NCOR2: variants seen among roughly 807,000 people sequenced by gnomAD.
NCOR2 encodes the protein nuclear receptor corepressor 2.
A neutral mutation model predicts 262.9 loss-of-function variants in NCOR2; 81 were observed. That is an observed-to-expected ratio of 0.31 (90% CI 0.26 to 0.37). The LOEUF (loss-of-function observed/expected upper bound fraction) is 0.37. Ranked by LOEUF, NCOR2 falls within the 10% of genes least tolerant of loss-of-function variation. The probability of loss-of-function intolerance (pLI) is 1.00; values close to 1 mark genes in which losing one functional copy is unlikely to be tolerated. For missense variants in NCOR2, 3,385 were observed against 3,621.4 expected (o/e 0.93, Z 1.68); for synonymous variants, 1,659 against 1,559.3 (o/e 1.06, Z -1.51).
At chr12:124,539,729 C>G (rs1394027385), upstream of NCOR2, 1 of 152,512 alleles carries the variant, frequency 6.6e-6, no homozygotes. This position sits in a 1 kb window ranked among gnomAD's most constrained non-coding sequence, Gnocchi z 5.1. Flanking sequence ...AGCTCCCAAA[C>G]AAGCCCACCT....
intron 16 of NCOR2, among the ~76,000 whole-genome samples, chr12:124,388,345 C>T (rs1290468374): frequency 3.9e-5 from 6 of 152,138 alleles, no homozygotes; most frequent in Non-Finnish European, 5.9e-5. Context: ...GGCTGCCAGG[C>T]ACGGAGAGAA....
At chr12:124,390,557 C>T (rs2041232435) in intron 16 of NCOR2, among the ~76,000 whole-genome samples, 1 of 151,768 alleles carries the variant, frequency 6.6e-6, no homozygotes, top group African/African-American at 2.4e-5. Flanking sequence ...CTCCCTCGTC[C>T]CACTGCTCAT....
intron 18 of NCOR2, among the ~76,000 whole-genome samples, chr12:124,377,096 C>T (rs886526078): frequency 2.6e-5 from 4 of 152,324 alleles, no homozygotes; most frequent in African/African-American, 9.6e-5. Flanking sequence ...GTCGGCAGCC[C>T]GTGTTCAGTT....
chr12:124,345,345 A>T (rs1283073660), intron 31 of NCOR2, among the ~76,000 whole-genome samples: 1 of 152,160 alleles, frequency 6.6e-6, no homozygotes, highest in African/African-American at 2.4e-5. Context: ...AATGCCAAGC[A>T]GAAAAAGTCA....
chr12:124,472,858 G>T, intron 4 of NCOR2, 94 bp downstream of exon 6: 4 of 1,539,506 alleles, frequency 2.6e-6, no homozygotes, highest in Non-Finnish European at 2.7e-6. Context: ...CCAGGAACTT[G>T]GGAAGGGCTT....
At chr12:124,352,376 C>T (rs1325151020) in intron 27 of NCOR2, among the ~76,000 whole-genome samples, 2 of 151,688 alleles carry the variant, frequency 1.3e-5, no homozygotes, top group African/African-American at 4.9e-5. Flanking sequence ...ACTGAGGCAT[C>T]TGATTTTTTT....
intron 13 of NCOR2, among the ~76,000 whole-genome samples, chr12:124,403,865 C>T (rs74978730): frequency 0.022 from 3,361 of 152,284 alleles, 111 homozygotes; most frequent in African/African-American, 0.065. Flanking sequence ...AGGCTGCTGC[C>T]AGGTCCAGGG....
At chr12:124,464,213 C>A (rs1019212147) in intron 5 of NCOR2, among the ~76,000 whole-genome samples, 1 of 151,966 alleles carries the variant, frequency 6.6e-6, no homozygotes, top group Non-Finnish European at 1.5e-5. Context: ...TGAGAAGGGG[C>A]CACTTCAGCA....
At chr12:124,359,021 C>T (rs1447457692) in intron 22 of NCOR2, among the ~76,000 whole-genome samples, 2 of 152,252 alleles carry the variant, frequency 1.3e-5, no homozygotes, top group African/African-American at 4.8e-5. Context: ...GACTGCTATG[C>T]CACATGGCCT....
chr12:124,503,671 AATGGATGGATGG>A lies in NCOR2; in HGVS notation c.-117-8315_-117-8304del, dbSNP rs140410776. On this transcript the variant is annotated intron_variant, in intron 1 of 46. Transcript: ENST00000404621. The surrounding 1 kb of genome is among the most constrained non-coding windows in gnomAD (Gnocchi z 4.3). ...GGATGGATGGATGGATGGACGGGTG[AATGGATGGATGG>A]ATGGATGGATGGATGGATGGATGGA... 7.5e-3 allele frequency among the ~76,000 whole-genome samples: 919 copies of A among 122,198 alleles called. 13 individuals carry two copies. Among genetic ancestry groups the A allele is most frequent in the African/African-American group, 0.026 (869 of 33,494 alleles). The allele number at this position is 122,198 out of a possible 152,430, so 80.2% of individuals were successfully genotyped here.
chr12:124,536,683 G>A (rs915822897), upstream of NCOR2, among the ~76,000 whole-genome samples: 1 of 152,222 alleles, frequency 6.6e-6, no homozygotes, highest in Non-Finnish European at 1.5e-5. Flanking sequence ...AGGAGCACCT[G>A]GAACCCTCAC....
At chr12:124,336,994 G>C in exon 38 of NCOR2, 1 of 1,510,148 alleles carries the variant, frequency 6.6e-7, no homozygotes, top group South Asian at 1.3e-5. Flanking sequence ...CTGGGGGCTT[G>C]GCGAGGAAGG....
intron 6 of NCOR2, among the ~76,000 whole-genome samples, chr12:124,453,599 C>T (rs925042513): frequency 6.6e-6 from 1 of 152,222 alleles, no homozygotes. Context: ...AGCCAGCCAG[C>T]AGGGCCACCA....
At chr12:124,461,852 CAGGTATACCTGCACACAT>C (rs1221983363) in intron 5 of NCOR2, among the ~76,000 whole-genome samples, 1 of 152,232 alleles carries the variant, frequency 6.6e-6, no homozygotes, top group Non-Finnish European at 1.5e-5. Context: ...ACAGCACCCA[CAGGTATACCTGCACACAT>C]ACACGCACCC....
chr12:124,428,086 T>TGTGTGTGTGTGTGTGTGTGTGTGTGGGC (rs958627720), intron 10 of NCOR2, among the ~76,000 whole-genome samples: 5 of 147,054 alleles, frequency 3.4e-5, no homozygotes, highest in Non-Finnish European at 4.5e-5. Flanking sequence ...TGTGTGTGTG[T>TGTGTGTGTGTGTGTGTGTGTGTGTGGGC]GTACATGCAA....
chr12:124,373,071 A>C (rs940230307), intron 19 of NCOR2, among the ~76,000 whole-genome samples: 9 of 152,368 alleles, frequency 5.9e-5, no homozygotes, highest in African/African-American at 1.7e-4. Context: ...ACGGGAGAAC[A>C]ATAGTTCCCA....
chr12:124,409,815 C>A (rs1451721178), intron 13 of NCOR2, among the ~76,000 whole-genome samples: 1 of 152,040 alleles, frequency 6.6e-6, no homozygotes, highest in Non-Finnish European at 1.5e-5. Flanking sequence ...GAAGCTCGGA[C>A]CACAGCAGCA....
rs1006317942 is a variant in NCOR2, at chr12:124,479,330, G to A, written c.411+4266C>T. On this transcript the variant is annotated intron_variant, in intron 3 of 46. Transcript: ENST00000405201. ...TGCACGGACACATGCACACACGTGC[G>A]CACACAAACACACATACACACGTGC... is the stretch of plus-strand genomic sequence containing the variant. 2.1e-4 allele frequency among the ~76,000 whole-genome samples: 31 copies of A among 150,262 alleles called. 2 individuals are homozygous for A. The East Asian group carries it at 3.4e-3, about 16-fold the overall frequency.
rs1481084407 is a variant in NCOR2, at chr12:124,454,066, A to C, written c.762+3040T>G. On this transcript the variant is annotated intron_variant, in intron 6 of 46. Coordinates refer to ENST00000405201, the Ensembl canonical transcript of NCOR2. The surrounding 1 kb of genome is among the most constrained non-coding windows in gnomAD (Gnocchi z 5.6). ...CCAGTTGGTAGACAGGACCCTGCAG[A>C]GGGTGCACCATGCAGCTGCCTCTGC... Among the ~76,000 whole-genome samples the C allele has an allele frequency of 6.6e-6, 1 of 152,132 alleles. No homozygotes were observed. Among genetic ancestry groups the C allele is most frequent in the Non-Finnish European group, 1.5e-5 (1 of 67,994 alleles).
Sources: allele counts gnomAD v4.1 joint callset (sites outside exome capture counted in the v4.1 genomes callset), GRCh38; gene constraint gnomAD v4.1.1; non-coding constraint Gnocchi (gnomAD v3.1); transcripts MANE v1.5; gene names NCBI Gene and HGNC (gene_info 2026-07-23, HGNC 2026-07-21).